The following FAM170A variants were observed in gnomAD, a reference collection of about 807,000 sequenced individuals.
FAM170A encodes the protein family with sequence similarity 170 member A.
Under a neutral mutation model 36.6 loss-of-function variants are expected in FAM170A, and 28 were observed. The observed-to-expected ratio is 0.76, with a 90% confidence interval of 0.57 to 1.05. The LOEUF (loss-of-function observed/expected upper bound fraction) is 1.05. FAM170A is among the 50% of genes least tolerant of loss of function. The pLI is 0.00. For missense variants in FAM170A, 434 were observed against 396.5 expected (o/e 1.09, Z -0.80); for synonymous variants, 156 against 143.9 (o/e 1.08, Z -0.60).
intron 3 of FAM170A, 141 bp from the exon 4 acceptor site, chr5:119,634,886 TG>T: frequency 1.6e-6 from 2 of 1,266,352 alleles, no homozygotes; most frequent in Non-Finnish European, 2.2e-6. Context: ...CTGGGATCCC[TG>T]CTTCTTGCCT....
chr5:119,634,153 G>C, exon 3 of FAM170A: 1 of 1,614,180 alleles, frequency 6.2e-7, no homozygotes, highest in Non-Finnish European at 8.5e-7. Context: ...AGGTACAAAT[G>C]AACAAAGGTG....
At chr5:119,632,393 A>G (rs1756272446) in intron 1 of FAM170A, among the ~76,000 whole-genome samples, 1 of 152,222 alleles carries the variant, frequency 6.6e-6, no homozygotes, top group African/African-American at 2.4e-5. Flanking sequence ...ATATTGCATA[A>G]TTTCAGGGTT....
intron 1 of FAM170A, 46 bp from the exon 2 acceptor site, chr5:119,632,702 A>G (rs1756278908): frequency 1.4e-6 from 2 of 1,480,824 alleles, no homozygotes; most frequent in South Asian, 1.4e-5. Flanking sequence ...TGATGCACAA[A>G]CATTACCCAT....
At chr5:119,630,643 G>A (rs2126970918) in intron 1 of FAM170A, among the ~76,000 whole-genome samples, 1 of 152,310 alleles carries the variant, frequency 6.6e-6, no homozygotes, top group South Asian at 2.1e-4. Flanking sequence ...ACCCTGCTGG[G>A]CTGAGAACTT....
chr5:119,631,937 G>A (rs562341519), intron 1 of FAM170A, among the ~76,000 whole-genome samples: 106 of 152,248 alleles, frequency 7.0e-4, no homozygotes, highest in African/African-American at 2.5e-3. Context: ...AATACAGGAT[G>A]TTCAGTTAAA....
chr5:119,634,971 A>C (rs1191421753), intron 3 of FAM170A, 57 bp from the exon 4 acceptor site: 1 of 1,609,380 alleles, frequency 6.2e-7, no homozygotes, highest in Non-Finnish European at 8.5e-7. Context: ...AAATTCTGAG[A>C]ATTTCAAAAG....
At chr5:119,633,963 T>C in exon 3 of FAM170A, 1 of 1,604,892 alleles carries the variant, frequency 6.2e-7, no homozygotes, top group Non-Finnish European at 8.5e-7. Context: ...TTCCCAGGAA[T>C]CCAGAGAATA....
exon 3 of FAM170A, chr5:119,634,624 G>A (rs1580766335): frequency 6.2e-7 from 1 of 1,611,780 alleles, no homozygotes; most frequent in Non-Finnish European, 8.5e-7. Context: ...AGGAGGAAGA[G>A]AAACCAGAAG....
At chr5:119,634,498 G>T (rs373517742) in exon 3 of FAM170A, 5 of 1,613,932 alleles carry the variant, frequency 3.1e-6, no homozygotes, top group Admixed American at 3.3e-5. Context: ...TGCAGTTTGG[G>T]ATCAGAGAGG....
intron 3 of FAM170A, 119 bp from the exon 4 acceptor site, chr5:119,634,909 A>G: frequency 1.5e-6 from 2 of 1,370,302 alleles, no homozygotes; most frequent in South Asian, 2.6e-5. Flanking sequence ...GGCATCTAAT[A>G]AAGTCTCGAT....
chr5:119,629,571 C>T (rs1756194978), exon 1 of FAM170A: 1 of 443,076 alleles, frequency 2.3e-6, no homozygotes, highest in South Asian at 2.8e-5. Context: ...CCTTAACAGC[C>T]CTGCAGTGTA....
chr5:119,632,014 TACTG>T (rs1249921900), intron 1 of FAM170A, among the ~76,000 whole-genome samples: 2 of 152,214 alleles, frequency 1.3e-5, no homozygotes, highest in African/African-American at 4.8e-5. Flanking sequence ...TTATGGAACA[TACTG>T]ACACTAAAAA....
chr5:119,631,489 A>G (rs539630811), intron 1 of FAM170A, among the ~76,000 whole-genome samples: 11 of 152,194 alleles, frequency 7.2e-5, no homozygotes, highest in South Asian at 2.1e-4. Flanking sequence ...TGAACTTCCT[A>G]TCACCATGCC....
chr5:119,634,776 G>C (rs762577517), intron 3 of FAM170A, 42 bp downstream of exon 3: 1 of 1,504,806 alleles, frequency 6.6e-7, no homozygotes. Flanking sequence ...GGGAGCAATG[G>C]CTTCCCCGAG....
exon 3 of FAM170A, chr5:119,634,480 G>A (rs947801131): frequency 6.8e-6 from 11 of 1,614,112 alleles, no homozygotes; most frequent in Admixed American, 5.0e-5. Context: ...AAGCCCTCCA[G>A]GAGCATGTGC....
At position 119,634,267 on chromosome 5, in the gene FAM170A, CT is replaced by C. The variant is rs767136322; in HGVS notation, c.520del (p.Ser174LeufsTer49). The C allele has an allele frequency of 1.5e-5, 24 of 1,614,194 alleles. No homozygotes were observed. In the African/African-American group the frequency reaches 2.9e-4, roughly 20 times the overall value. Reference sequence around the variant, plus strand: ...AGGTTGTGAGGGTAGGTACTCCCCCCTCTGATGTGTCCACCAGAAACCTCCT... The same window carrying C: ...AGGTTGTGAGGGTAGGTACTCCCCCCCTGATGTGTCCACCAGAAACCTCCT... On this transcript the variant is annotated frameshift_variant, in exon 3 of 5. Coordinates refer to ENST00000613773, the Ensembl canonical transcript of FAM170A. LOFTEE classifies it high-confidence loss of function.
chr5:119,635,194 A>G (rs1756355105), intron 4 of FAM170A, 108 bp downstream of exon 4: 21 of 726,474 alleles, frequency 2.9e-5, no homozygotes, highest in Non-Finnish European at 4.8e-5. Flanking sequence ...CTCTGCAGCC[A>G]CATCAACTTA....
intron 1 of FAM170A, 117 bp downstream of exon 1, chr5:119,629,955 G>C (rs1473348913): frequency 7.2e-6 from 5 of 694,158 alleles, no homozygotes; most frequent in South Asian, 6.7e-5. Context: ...GCAGTGGCGC[G>C]ATCTTGGCTC....
chr5:119,630,047 A>G (rs1396945687), intron 1 of FAM170A, among the ~76,000 whole-genome samples: 1 of 150,096 alleles, frequency 6.7e-6, no homozygotes, highest in Non-Finnish European at 1.5e-5. Context: ...GCCCACCACC[A>G]CGCCCGGCTA....
Sources: allele counts gnomAD v4.1 joint callset (sites outside exome capture counted in the v4.1 genomes callset), GRCh38; gene constraint gnomAD v4.1.1; transcripts MANE v1.5; gene names NCBI Gene and HGNC (gene_info 2026-07-23, HGNC 2026-07-21).